Variants in ACOXL observed in about 807,000 individuals in gnomAD.
ACOXL encodes acyl-coenzyme A oxidase-like protein.
In ACOXL, 70 loss-of-function variants were observed where a neutral mutation model predicts 71.9. The observed-to-expected ratio is 0.97, with a 90% CI of 0.80 to 1.19. ACOXL has a LOEUF of 1.19. ACOXL is among the 50% of genes most tolerant of loss of function. The pLI is 0.00. For synonymous variants in ACOXL, 253 were observed against 281.6 expected (o/e 0.90, Z 1.02); for missense variants, 703 against 736.3 (o/e 0.95, Z 0.52).
At chr2:110,784,151 A>G (rs1011643448) in intron 2 of ACOXL, among the ~76,000 whole-genome samples, 3 of 152,146 alleles carry the variant, frequency 2.0e-5, no homozygotes, top group African/African-American at 7.2e-5. Context: ...GCTGGGTACC[A>G]TGGCGCATGC....
intron 17 of ACOXL, among the ~76,000 whole-genome samples, chr2:111,107,482 G>T (rs539599230): frequency 6.6e-6 from 1 of 151,962 alleles, no homozygotes; most frequent in African/African-American, 2.4e-5. Flanking sequence ...TGGTTTTTTT[G>T]GTTTTTGTTG....
At chr2:110,892,728 A>T (rs912214771) in intron 10 of ACOXL, among the ~76,000 whole-genome samples, 1 of 152,222 alleles carries the variant, frequency 6.6e-6, no homozygotes, top group East Asian at 1.9e-4. Context: ...AGCTATATCC[A>T]GGGAGGCTCA....
intron 1 of ACOXL, among the ~76,000 whole-genome samples, chr2:110,750,587 A>G (rs557446917): frequency 7.7e-4 from 115 of 148,824 alleles, no homozygotes; most frequent in African/African-American, 2.8e-3. Context: ...ACATATATAT[A>G]CATTACATAT....
Position 110,869,026 on chromosome 2 carries a change from G to C in ACOXL, c.788+27621G>C, listed in dbSNP as rs545082126. ...CTAACATTTCTTGGGTGGTTGCCAT[G>C]GTCCAGATGCTACTCTGAGCACCTT... is the stretch of plus-strand genomic sequence containing the variant. On this transcript the variant is annotated intron_variant, in intron 10 of 17. Transcript: ENST00000439055. 3.3e-5 allele frequency among the ~76,000 whole-genome samples: 5 copies of C among 152,294 alleles called. No homozygotes were observed. The South Asian group carries it at 1.0e-3, about 32-fold the overall frequency.
At chr2:110,827,875 G>T (rs1464086164) in intron 9 of ACOXL, among the ~76,000 whole-genome samples, 1 of 152,160 alleles carries the variant, frequency 6.6e-6, no homozygotes, top group Non-Finnish European at 1.5e-5. Flanking sequence ...TAAATCCCAA[G>T]CATCTTTCTC....
intron 5 of ACOXL, 90 bp downstream of exon 5, chr2:110,794,264 C>A: frequency 8.0e-7 from 1 of 1,253,418 alleles, no homozygotes; most frequent in Non-Finnish European, 1.1e-6. Context: ...GCTTCACACC[C>A]TCTGTGTGTG....
At chr2:110,919,860 A>G (rs2060003120) in intron 11 of ACOXL, among the ~76,000 whole-genome samples, 1 of 152,188 alleles carries the variant, frequency 6.6e-6, no homozygotes, top group Non-Finnish European at 1.5e-5. Flanking sequence ...TGAATTTCAG[A>G]TTCATCCATG....
At chr2:110,866,024 G>T (rs1694543714) in intron 10 of ACOXL, among the ~76,000 whole-genome samples, 1 of 152,094 alleles carries the variant, frequency 6.6e-6, no homozygotes, top group Non-Finnish European at 1.5e-5. Context: ...CCCCAGAGTG[G>T]TAAATACTAT....
chr2:111,062,577 CA>C (rs1375463995), intron 16 of ACOXL, among the ~76,000 whole-genome samples: 10 of 152,006 alleles, frequency 6.6e-5, no homozygotes, highest in Admixed American at 2.6e-4. Context: ...AAGCAAACCT[CA>C]AAAAATTTAA....
chr2:110,920,252 TTTTA>T (rs1339688214), intron 11 of ACOXL, among the ~76,000 whole-genome samples: 1 of 152,214 alleles, frequency 6.6e-6, no homozygotes, highest in Non-Finnish European at 1.5e-5. Flanking sequence ...TTGTTTTGAT[TTTTA>T]TTTGTTTTCT....
In ACOXL at chr2:110,799,084, T is replaced by C; in HGVS notation, c.531T>C (p.Asp177=). The change falls in exon 7 of 18, where the codon GAT becomes GAC. Residue 177 remains aspartate, a synonymous_variant. Coordinates refer to ENST00000439055, the MANE Select transcript of ACOXL (RefSeq NM_001142807.4). ...TGTACCCAGGAGTCACAGCTATTGATATGATGTACAAGGAGGGTGAGTCCC... is the reference window on the plus strand; with the variant it reads ...TGTACCCAGGAGTCACAGCTATTGACATGATGTACAAGGAGGGTGAGTCCC... ...GSLYPGVTAI[D]MMYKEGLHGV... The C allele has an allele frequency of 6.2e-7, 1 of 1,613,856 alleles. No individual in the cohort carries two copies. The highest frequency in any genetic ancestry group is 8.5e-7 in the Non-Finnish European group (1 of 1,179,834).
intron 15 of ACOXL, among the ~76,000 whole-genome samples, chr2:111,048,434 G>A (rs964153699): frequency 3.3e-5 from 5 of 152,202 alleles, no homozygotes; most frequent in Non-Finnish European, 7.3e-5. Flanking sequence ...TCTGAGGGTG[G>A]CAGAGAATTG....
At chr2:110,795,603 C>A (rs1039392033) in intron 5 of ACOXL, 1 of 152,206 alleles carries the variant, frequency 6.6e-6, no homozygotes, top group African/African-American at 2.4e-5. Flanking sequence ...GATGGGGAAA[C>A]AGAGGCTCAC....
chr2:110,989,621 G>A (rs1165645951), intron 13 of ACOXL, among the ~76,000 whole-genome samples: 1 of 152,202 alleles, frequency 6.6e-6, no homozygotes, highest in Non-Finnish European at 1.5e-5. Context: ...GAAGAGGAGA[G>A]AATGGGTAGT....
chr2:110,748,164 T>C (rs575955530), intron 1 of ACOXL, among the ~76,000 whole-genome samples: 1 of 152,352 alleles, frequency 6.6e-6, no homozygotes, highest in East Asian at 1.9e-4. Flanking sequence ...CTGTCTTCTA[T>C]GCTAGAGTCT....
chr2:110,869,498 T>A (rs957927833), intron 10 of ACOXL, among the ~76,000 whole-genome samples: 3 of 152,322 alleles, frequency 2.0e-5, no homozygotes, highest in East Asian at 3.9e-4. Flanking sequence ...GTGAGCTTCC[T>A]GGCGGGGATG....
intron 15 of ACOXL, among the ~76,000 whole-genome samples, chr2:111,037,813 A>G (rs1162700311): frequency 1.3e-5 from 2 of 152,104 alleles, no homozygotes; most frequent in African/African-American, 4.8e-5. Context: ...CCTCAACCCC[A>G]TCCACCGCAC....
At chr2:110,848,909 A>T (rs1302772538) in intron 10 of ACOXL, among the ~76,000 whole-genome samples, 1 of 152,320 alleles carries the variant, frequency 6.6e-6, no homozygotes, top group South Asian at 2.1e-4. Flanking sequence ...GACCTTTAGC[A>T]CGGGATTCAG....
intron 17 of ACOXL, chr2:111,100,490 A>G (rs984729158): frequency 6.6e-6 from 1 of 152,660 alleles, no homozygotes; most frequent in African/African-American, 2.4e-5. Flanking sequence ...ATGTCCAAGA[A>G]ATCTGGACAC....
Sources: gnomAD v4.1 joint callset for allele counts (sites outside exome capture counted in the v4.1 genomes callset) on GRCh38, gnomAD v4.1.1 for gene constraint, MANE v1.5 for transcripts, NCBI Gene and HGNC (gene_info 2026-07-23, HGNC 2026-07-21) for gene names.